The following DCP1B variants were observed in gnomAD, a reference collection of about 807,000 sequenced individuals.
DCP1B encodes decapping mRNA 1B.
Under a neutral mutation model 60.5 loss-of-function variants are expected in DCP1B, and 47 were observed. The ratio of observed to expected loss-of-function variants is 0.78; its 90% CI spans 0.61 to 0.99. The LOEUF (loss-of-function observed/expected upper bound fraction) is 0.99, where lower values mean the gene tolerates loss of function less well. DCP1B is among the 50% of genes least tolerant of loss of function. The probability of loss-of-function intolerance (pLI) is 0.00; values close to 1 mark genes in which losing one functional copy is unlikely to be tolerated. For missense variants in DCP1B, 725 were observed against 756.8 expected, an observed-to-expected ratio of 0.96 and a Z score of 0.49; for synonymous variants, 267 against 280.3, an observed-to-expected ratio of 0.95 and a Z score of 0.47.
chr12:1,979,156 G>GT (rs2035348846), intron 3 of DCP1B, among the ~76,000 whole-genome samples: 1 of 152,142 alleles, frequency 6.6e-6, no homozygotes. Context: ...GGGATTACAC[G>GT]TGCCCGCCAT....
At chr12:1,968,929 A>G (rs2031569041) in intron 3 of DCP1B, among the ~76,000 whole-genome samples, 2 of 152,204 alleles carry the variant, frequency 1.3e-5, no homozygotes, top group African/African-American at 2.4e-5. Flanking sequence ...GCCTATCTAT[A>G]TCATTTTTAT....
chr12:1,984,040 T>C (rs922488528), intron 3 of DCP1B, among the ~76,000 whole-genome samples: 1 of 152,096 alleles, frequency 6.6e-6, no homozygotes, highest in Non-Finnish European at 1.5e-5. Context: ...GATGTTAATC[T>C]AGACACCCCA....
chr12:2,001,798 T>C (rs2042249395), intron 1 of DCP1B, among the ~76,000 whole-genome samples: 1 of 152,194 alleles, frequency 6.6e-6, no homozygotes, highest in East Asian at 1.9e-4. Context: ...TTAGGGCAGT[T>C]TTCAGGCTCA....
intron 3 of DCP1B, chr12:1,991,063 C>T (rs2039281312): frequency 2.2e-6 from 1 of 454,108 alleles, no homozygotes; most frequent in African/African-American, 2.0e-5. Flanking sequence ...TCAACTGATT[C>T]TATTTCTTTT....
chr12:1,996,943 T>C (rs755370834), intron 2 of DCP1B, among the ~76,000 whole-genome samples: 7 of 152,218 alleles, frequency 4.6e-5, no homozygotes, highest in Non-Finnish European at 1.0e-4. Flanking sequence ...GAAAGGTTTA[T>C]ATTAGGTCTT....
In DCP1B at chr12:1,965,569, C is replaced by G. The variant is rs374990195; in HGVS notation, c.511G>C (p.Glu171Gln). 11 of 1,612,396 alleles carry G rather than the reference C, an allele frequency of 6.8e-6. No individual in the cohort carries two copies. The East Asian group carries it at 2.5e-4, about 36-fold the overall frequency. ...ILRMLIKAKD[E>Q]YTKCKTCSEP... ...GGGCAAACACTCACCTTTGTGTATTCGTCTTTGGCCTTGATGAGCATTCGT... is the reference window on the plus strand; with the variant it reads ...GGGCAAACACTCACCTTTGTGTATTGGTCTTTGGCCTTGATGAGCATTCGT... Residue 171 changes from glutamate to glutamine, a missense_variant, in exon 5 of 9, where the codon GAA (glutamate) becomes CAA (glutamine). Physicochemically the swap from Glu to Gln is conservative, Grantham distance 29. Coordinates refer to ENST00000280665, the MANE Select transcript of DCP1B (RefSeq NM_152640.5).
intron 7 of DCP1B, 60 bp downstream of exon 7, chr12:1,952,355 TA>T (rs2030706970): frequency 6.1e-6 from 9 of 1,467,504 alleles, no homozygotes; most frequent in South Asian, 1.5e-5. Flanking sequence ...TTTTTTTTTT[TA>T]GGGACAGGAT....
rs78563698 is a variant in DCP1B at position 1,996,616 on chromosome 12, TAAAAAAAAAAAAAAAAA to T, written c.191+1302_191+1318del. ...AATACACTAATAATAGCTGATGAGC[TAAAAAAAAAAAAAAAAA>T]AAAAAAAAAAAAAAAAAAAAAACAA... On this transcript the variant is annotated intron_variant, in intron 2 of 8. Transcript: ENST00000280665. Among the ~76,000 whole-genome samples, 130 of 18,836 alleles carry T rather than the reference TAAAAAAAAAAAAAAAAA, an allele frequency of 6.9e-3. 1 individual carries two copies. Among genetic ancestry groups the T allele is most frequent in the Admixed American group, 0.011 (14 of 1,228 alleles). 12.4% of individuals were successfully genotyped at this position (18,836 alleles called of 152,430 possible).
chr12:1,993,943 G>C (rs142197779), intron 2 of DCP1B, among the ~76,000 whole-genome samples: 1 of 152,158 alleles, frequency 6.6e-6, no homozygotes, highest in Non-Finnish European at 1.5e-5. Flanking sequence ...GCCTGAACTA[G>C]AAGTTTACAT....
intron 5 of DCP1B, among the ~76,000 whole-genome samples, chr12:1,958,655 G>C (rs966736216): frequency 6.9e-6 from 1 of 145,318 alleles, no homozygotes; most frequent in Non-Finnish European, 1.5e-5. Context: ...CCCCAACGTC[G>C]CTCTGGGCAA....
intron 2 of DCP1B, among the ~76,000 whole-genome samples, chr12:1,996,155 C>T (rs1370330463): frequency 6.6e-6 from 1 of 152,200 alleles, no homozygotes; most frequent in Non-Finnish European, 1.5e-5. Flanking sequence ...AATCTTCTCA[C>T]TGTCCTGACT....
At chr12:2,002,603 G>T (rs1565889602) in intron 1 of DCP1B, among the ~76,000 whole-genome samples, 1 of 152,126 alleles carries the variant, frequency 6.6e-6, no homozygotes. Context: ...AAAGCCTATA[G>T]GAAACAACTA....
downstream of DCP1B, among the ~76,000 whole-genome samples, chr12:1,944,761 T>C (rs2030365674): frequency 1.3e-5 from 2 of 151,850 alleles, no homozygotes; most frequent in Admixed American, 1.3e-4. Flanking sequence ...ACCCCTTCCT[T>C]ACACCTTATA....
chr12:2,004,149 T>A, intron 1 of DCP1B, 133 bp downstream of exon 1: 2 of 1,237,882 alleles, frequency 1.6e-6, no homozygotes, highest in Non-Finnish European at 2.2e-6. Context: ...AACTTCGGCC[T>A]CAGTCCCCAG....
Position 1,988,851 on chromosome 12 carries a change from G to A in DCP1B, c.319+4413C>T, listed in dbSNP as rs775944069. Among the ~76,000 whole-genome samples, 46 of 152,210 alleles carry A rather than the reference G, an allele frequency of 3.0e-4. 1 individual carries two copies. The highest frequency in any genetic ancestry group is 6.8e-3 in the Middle Eastern group (2 of 294). On this transcript the variant is annotated intron_variant, in intron 3 of 8. Transcript: ENST00000280665. The stretch of plus-strand genomic sequence containing the variant: ...CCCAGATCCTATGAATGTTAATCAA[G>A]GATTTAAACTGTCATTTCTTTTTTC...
downstream of DCP1B, among the ~76,000 whole-genome samples, chr12:1,944,871 T>C (rs1331210368): frequency 1.3e-5 from 2 of 152,224 alleles, no homozygotes; most frequent in Admixed American, 6.5e-5. Context: ...GACATAGGCA[T>C]GTGCAAAGAC....
At chr12:1,956,124 G>C (rs2030877440) in intron 5 of DCP1B, among the ~76,000 whole-genome samples, 1 of 152,138 alleles carries the variant, frequency 6.6e-6, no homozygotes, top group Non-Finnish European at 1.5e-5. Context: ...TGAGCGTTCT[G>C]AGCTACTTAC....
rs1481019908 is a variant in DCP1B, at chr12:1,948,571, T to A, written c.1773+515A>T. 6.6e-6 allele frequency among the ~76,000 whole-genome samples: 1 copy of A among 152,256 alleles called. No homozygotes were observed. Among genetic ancestry groups the A allele is most frequent in the Non-Finnish European group, 1.5e-5 (1 of 68,044 alleles). On this transcript the variant is annotated intron_variant, in intron 8 of 8. Transcript: ENST00000280665. The surrounding 1 kb of genome is among the most constrained non-coding windows in gnomAD (Gnocchi z 4.8). ...GAGGCTAGCAGCTCACAAGGAGTCC[T>A]GTCACTCCATCCCGTCCTAATGAGC...
downstream of DCP1B, among the ~76,000 whole-genome samples, chr12:1,943,888 G>C (rs1329998460): frequency 2.0e-5 from 3 of 152,148 alleles, no homozygotes; most frequent in Admixed American, 1.3e-4. Context: ...ACAAGACAAG[G>C]ATGCCCTCTC....
Sources: gnomAD v4.1 joint callset for allele counts (sites outside exome capture counted in the v4.1 genomes callset) on GRCh38, gnomAD v4.1.1 for gene constraint, Gnocchi (gnomAD v3.1) non-coding constraint, MANE v1.5 for transcripts, NCBI Gene and HGNC (gene_info 2026-07-23, HGNC 2026-07-21) for gene names.